The following SGCD variants were observed in gnomAD, a reference collection of about 807,000 sequenced individuals.
SGCD encodes the protein delta-sarcoglycan.
In SGCD, 18 loss-of-function variants were observed where a neutral mutation model predicts 36.6. The ratio of observed to expected loss-of-function variants is 0.49; its 90% CI spans 0.34 to 0.73. The LOEUF (loss-of-function observed/expected upper bound fraction) is 0.73, where lower values mean the gene tolerates loss of function less well. Among genes scored for constraint, SGCD ranks in the 30% least tolerant of loss-of-function variants. The pLI, the probability that SGCD is intolerant of heterozygous loss-of-function variation, is 0.01. For missense variants in SGCD, 387 were observed against 346.7 expected, an observed-to-expected ratio of 1.12 and a Z score of -0.92; for synonymous variants, 133 against 130.6, an observed-to-expected ratio of 1.02 and a Z score of -0.12.
intron 6 of SGCD, among the ~76,000 whole-genome samples, chr5:156,620,889 GTGGAAA>G (rs1390729042): frequency 1.3e-5 from 2 of 152,180 alleles, no homozygotes; most frequent in African/African-American, 4.8e-5. Context: ...GCAGGATGTG[GTGGAAA>G]TGGGAATGGG....
rs1581168097 is a variant in SGCD at position 156,559,488 on chromosome 5, CTA to C, written c.295-29741_295-29740del. Reference sequence around the variant, plus strand: ...TTCAGGGTACTTCTGCATGAAAAATCTATGGTGACCCAGGTAAAGTATTTCCA... The same window carrying C: ...TTCAGGGTACTTCTGCATGAAAAATCTGGTGACCCAGGTAAAGTATTTCCA... On this transcript the variant is annotated intron_variant, in intron 4 of 8. Coordinates refer to ENST00000337851, the MANE Select transcript of SGCD (RefSeq NM_000337.6). Among the ~76,000 whole-genome samples the C allele has an allele frequency of 2.0e-5, 3 of 152,152 alleles. 1 individual carries two copies. Among genetic ancestry groups the C allele is most frequent in the East Asian group, 3.9e-4 (2 of 5,194 alleles).
chr5:155,901,247 G>A (rs1756383130), intron 1 of SGCD, among the ~76,000 whole-genome samples: 1 of 151,886 alleles, frequency 6.6e-6, no homozygotes, highest in East Asian at 1.9e-4. Context: ...GGGAGGCGGA[G>A]GTTGCAGTGA....
the SGCD span, among the ~76,000 whole-genome samples, chr5:155,829,757 A>C: frequency 6.6e-6 from 1 of 152,188 alleles, no homozygotes; most frequent in Non-Finnish European, 1.5e-5. Context: ...CTTGGTTTGG[A>C]AAAAGTGTAG....
chr5:156,497,978 A>T (rs1756271346), intron 3 of SGCD, among the ~76,000 whole-genome samples: 1 of 152,098 alleles, frequency 6.6e-6, no homozygotes, highest in Non-Finnish European at 1.5e-5. Flanking sequence ...ATCACAAAAC[A>T]TTCTCTGTGT....
At chr5:156,124,925 A>G (rs1762135185) in intron 3 of SGCD, among the ~76,000 whole-genome samples, 1 of 152,116 alleles carries the variant, frequency 6.6e-6, no homozygotes, top group Non-Finnish European at 1.5e-5. Context: ...CAAAGGGGAG[A>G]CAAGTAAAAA....
At chr5:156,654,582 G>C (rs1382400645) in intron 7 of SGCD, among the ~76,000 whole-genome samples, 1 of 152,022 alleles carries the variant, frequency 6.6e-6, no homozygotes, top group African/African-American at 2.4e-5. Flanking sequence ...GTCTCCAAAG[G>C]CCTTAAATTT....
At chr5:155,892,968 T>C (rs1006475739) in intron 1 of SGCD, among the ~76,000 whole-genome samples, 3 of 151,934 alleles carry the variant, frequency 2.0e-5, no homozygotes, top group African/African-American at 7.3e-5. Flanking sequence ...ATGGCGGTGG[T>C]TTGGGAGGAA....
At chr5:156,624,885 A>G (rs1211010869) in intron 6 of SGCD, among the ~76,000 whole-genome samples, 1 of 152,238 alleles carries the variant, frequency 6.6e-6, no homozygotes, top group African/African-American at 2.4e-5. Flanking sequence ...AAGAGCTGAC[A>G]CATCCTAGAG....
At chr5:155,872,877 T>C (rs1755683595) in intron 1 of SGCD, among the ~76,000 whole-genome samples, 1 of 152,192 alleles carries the variant, frequency 6.6e-6, no homozygotes, top group Admixed American at 6.6e-5. Flanking sequence ...TGAAGTGTTT[T>C]TATAATCAGA....
chr5:156,594,964 T>A lies in SGCD; in HGVS notation c.415T>A (p.Phe139Ile), dbSNP rs886044160. 6.2e-7 allele frequency: 1 copy of A among 1,611,702 alleles called. No individual in the cohort carries two copies. The highest frequency in any genetic ancestry group is 8.5e-7 in the Non-Finnish European group (1 of 1,178,500). ...AGCCGTAGAAGCTTATGGTAAAAAA[T>A]TTGAGGTAAAAACTGTTTCTGGAAA... ...PKAVEAYGKKFEVKTVSGKLL... is the reference protein window; with the variant it reads ...PKAVEAYGKKIEVKTVSGKLL... The change falls in exon 6 of 9, where the codon TTT becomes ATT. Residue 139 changes from phenylalanine (F) to isoleucine (I), a missense_variant. Transcript: ENST00000337851.
At chr5:156,713,615 C>T (rs1283556692) in intron 7 of SGCD, among the ~76,000 whole-genome samples, 2 of 152,136 alleles carry the variant, frequency 1.3e-5, no homozygotes, top group Non-Finnish European at 2.9e-5. Flanking sequence ...ATAAGAGGTC[C>T]TCAGAGAAAG....
the SGCD span, among the ~76,000 whole-genome samples, chr5:155,819,369 A>C: frequency 6.6e-6 from 1 of 152,154 alleles, no homozygotes; most frequent in Non-Finnish European, 1.5e-5. Flanking sequence ...TTGAGAATTC[A>C]ACACGACTTA....
the SGCD span, among the ~76,000 whole-genome samples, chr5:155,827,489 C>A: frequency 6.6e-6 from 1 of 151,864 alleles, no homozygotes; most frequent in African/African-American, 2.4e-5. Context: ...AGCCAGTCAC[C>A]CAAGGAGTAA....
At position 156,335,975 on chromosome 5, in the gene SGCD, G is replaced by A. The variant is rs114998387; in HGVS notation, c.3+6396G>A. On this transcript the variant is annotated intron_variant, in intron 2 of 8. Coordinates refer to ENST00000337851, the MANE Select transcript of SGCD (RefSeq NM_000337.6). ...AACCCATTTCCTAGAGAACACTAGA[G>A]TGATCCTGAAGTGAAAATCTGATCA... 6.3e-3 allele frequency among the ~76,000 whole-genome samples: 967 copies of A among 152,286 alleles called. 10 individuals carry two copies. The highest frequency in any genetic ancestry group is 8.3e-3 in the Non-Finnish European group (565 of 68,022).
the SGCD span, among the ~76,000 whole-genome samples, chr5:155,764,408 T>C: frequency 2.6e-5 from 4 of 152,076 alleles, no homozygotes; most frequent in South Asian, 2.1e-4. Context: ...ATAATTGAGG[T>C]TGGGCTTGGC....
intron 1 of SGCD, among the ~76,000 whole-genome samples, chr5:155,997,924 CA>C (rs1388188475): frequency 3.9e-5 from 6 of 152,184 alleles, no homozygotes; most frequent in African/African-American, 1.4e-4. Context: ...CATTCCACAG[CA>C]TCTTACATTG....
At chr5:156,103,785 C>T (rs370348027) in intron 1 of SGCD, among the ~76,000 whole-genome samples, 1 of 151,996 alleles carries the variant, frequency 6.6e-6, no homozygotes, top group Non-Finnish European at 1.5e-5. Context: ...CAAATGTTGC[C>T]ATGAGTCACC....
At chr5:156,083,703 T>C (rs1333045127) in intron 1 of SGCD, among the ~76,000 whole-genome samples, 3 of 152,092 alleles carry the variant, frequency 2.0e-5, no homozygotes, top group Non-Finnish European at 4.4e-5. Context: ...CTAAAAATTT[T>C]ACAGTTTATA....
chr5:156,266,217 G>A (rs926086097), intron 3 of SGCD, among the ~76,000 whole-genome samples: 2 of 152,182 alleles, frequency 1.3e-5, no homozygotes, highest in African/African-American at 4.8e-5. Flanking sequence ...ATTGACCAAG[G>A]TGTTAAATTG....
Sources: gnomAD v4.1 joint callset for allele counts (sites outside exome capture counted in the v4.1 genomes callset) on GRCh38, gnomAD v4.1.1 for gene constraint, MANE v1.5 for transcripts, NCBI Gene and HGNC (gene_info 2026-07-23, HGNC 2026-07-21) for gene names.